PCDHA13: variants seen among roughly 807,000 people sequenced by gnomAD.
PCDHA13 encodes the protein protocadherin alpha 13.
In PCDHA13, 54 loss-of-function variants were observed where a neutral mutation model predicts 64.8. The ratio of observed to expected loss-of-function variants is 0.83; its 90% confidence interval spans 0.67 to 1.04. PCDHA13 has a LOEUF of 1.04. Among genes scored for constraint, PCDHA13 ranks in the 50% least tolerant of loss-of-function variants. PCDHA13 has a pLI of 0.00. For missense variants in PCDHA13, 1,248 were observed against 1,254.3 expected, an observed-to-expected ratio of 0.99 and a Z score of 0.08; for synonymous variants, 587 against 564.4, an observed-to-expected ratio of 1.04 and a Z score of -0.57.
At chr5:140,917,339 A>T (rs1199530347) in intron 1 of PCDHA13, among the ~76,000 whole-genome samples, 36 of 112,892 alleles carry the variant, frequency 3.2e-4, no homozygotes, top group East Asian at 2.4e-3. Context: ...GAGGGGGGGG[A>T]TGGTGTAGGC....
intron 1 of PCDHA13, among the ~76,000 whole-genome samples, chr5:140,974,994 A>G (rs901871984): frequency 6.6e-6 from 1 of 152,126 alleles, no homozygotes; most frequent in South Asian, 2.1e-4. Context: ...AGGTATTCTC[A>G]AGGCTGAAAT....
chr5:140,967,003 C>T, intron 1 of PCDHA13: 1 of 1,605,342 alleles, frequency 6.2e-7, no homozygotes, highest in South Asian at 1.1e-5. Context: ...GCTTGCGCAT[C>T]AACCATCTGG....
intron 1 of PCDHA13, among the ~76,000 whole-genome samples, chr5:140,947,645 A>AT (rs2094157342): frequency 6.6e-6 from 1 of 151,670 alleles, no homozygotes; most frequent in East Asian, 1.9e-4. Context: ...GTATGAACAT[A>AT]TATACCTCCA....
chr5:140,883,869 A>G lies in PCDHA13; in HGVS notation c.1601A>G (p.Gln534Arg). 6.2e-7 allele frequency: 1 copy of G among 1,613,112 alleles called. No homozygotes were observed. Among genetic ancestry groups the G allele is most frequent in the South Asian group, 1.1e-5 (1 of 91,044 alleles). ...GAGGAGCTGGAGCTGTTGCAGTTCC[A>G]GGTGAGCGCGCGCGACTCTGGCGTG... ...DHEELELLQF[Q>R]VSARDSGVPP... Residue 534 changes from glutamine (Q) to arginine (R), a missense_variant, in exon 1 of 4, where the codon CAG (glutamine) becomes CGG (arginine). Transcript: ENST00000289272.
chr5:140,966,818 C>G (rs1376177382), intron 1 of PCDHA13: 1 of 1,554,298 alleles, frequency 6.4e-7, no homozygotes, highest in Admixed American at 1.9e-5. Context: ...ACGGCTCCGG[C>G]GGCCCATGCC....
chr5:140,895,170 T>C (rs2064890754), intron 1 of PCDHA13, among the ~76,000 whole-genome samples: 1 of 152,176 alleles, frequency 6.6e-6, no homozygotes, highest in Admixed American at 6.5e-5. Flanking sequence ...TCCAATCTAT[T>C]TGTAGTCCCT....
intron 1 of PCDHA13, among the ~76,000 whole-genome samples, chr5:140,925,464 A>G (rs1181531744): frequency 6.6e-6 from 1 of 152,114 alleles, no homozygotes; most frequent in Non-Finnish European, 1.5e-5. Flanking sequence ...GTTGTGGCTC[A>G]GAGATGTTTC....
chr5:140,884,692 G>A, intron 1 of PCDHA13, 30 bp downstream of exon 1: 7 of 1,528,834 alleles, frequency 4.6e-6, no homozygotes, highest in Non-Finnish European at 6.1e-6. Context: ...AATTGTCTTA[G>A]TAAACACTTT....
chr5:140,977,665 A>G (rs1554238741), intron 1 of PCDHA13, among the ~76,000 whole-genome samples: 1 of 152,202 alleles, frequency 6.6e-6, no homozygotes, highest in Non-Finnish European at 1.5e-5. Flanking sequence ...AATTCTCTGC[A>G]TGCCAAATAT....
Position 140,956,847 on chromosome 5 carries a change from T to G in PCDHA13, c.2395-22102T>G, listed in dbSNP as rs138847680. Among the ~76,000 whole-genome samples the G allele has an allele frequency of 1.6e-4, 24 of 152,262 alleles. 1 individual carries two copies. The East Asian group carries it at 4.6e-3, about 29-fold the overall frequency. ...AATTTAATATTTTTAAATCTTGGGT[T>G]AAATGGTTGAATGAATGTGTGAAAA... On this transcript the variant is annotated intron_variant, in intron 1 of 3. Transcript: ENST00000289272.
Position 140,883,349 on chromosome 5 carries a change from GA to G in PCDHA13, c.1083del (p.Asp362ThrfsTer10). 6.2e-7 allele frequency: 1 copy of G among 1,614,142 alleles called. No homozygotes were observed. Among genetic ancestry groups the G allele is most frequent in the Non-Finnish European group, 8.5e-7 (1 of 1,180,030 alleles). Reference protein sequence around the residue: ...TITSLSLPIREDTQPSAIIAL... With the variant: ...TITSLSLPIRXDTQPSAIIAL... ...CACTTCTTTGTCACTCCCCATCAGA[GA>G]AGACACTCAGCCTAGCGCCATTATT... On this transcript the variant is annotated frameshift_variant, in exon 1 of 4. Coordinates refer to ENST00000289272, the MANE Select transcript of PCDHA13 (RefSeq NM_018904.3). LOFTEE classifies it high-confidence loss of function.
rs528377796 is a variant in PCDHA13, at chr5:140,957,777, T to G, written c.2395-21172T>G. The stretch of plus-strand genomic sequence containing the variant: ...TTCATTATATATGTTAAGTAAAAAC[T>G]AAGTTCATCATATATGTTAAGTAAA... On this transcript the variant is annotated intron_variant, in intron 1 of 3. Coordinates refer to ENST00000289272, the MANE Select transcript of PCDHA13 (RefSeq NM_018904.3). 8.5e-5 allele frequency among the ~76,000 whole-genome samples: 13 copies of G among 152,182 alleles called. No individual in the cohort carries two copies. The South Asian group carries it at 1.7e-3, about 19-fold the overall frequency.
At chr5:140,914,445 T>C (rs782813943) in intron 1 of PCDHA13, among the ~76,000 whole-genome samples, 1 of 152,200 alleles carries the variant, frequency 6.6e-6, no homozygotes, top group South Asian at 2.1e-4. Flanking sequence ...CCCATGTCTT[T>C]ATTTTCCAGT....
intron 3 of PCDHA13, among the ~76,000 whole-genome samples, chr5:140,982,904 T>G (rs1353983952): frequency 1.3e-5 from 2 of 151,900 alleles, no homozygotes; most frequent in African/African-American, 4.8e-5. Context: ...GGTGGCCTTA[T>G]GCACAGAGAT....
intron 1 of PCDHA13, among the ~76,000 whole-genome samples, chr5:140,937,638 C>A (rs1563161991): frequency 6.7e-6 from 1 of 150,048 alleles, no homozygotes; most frequent in East Asian, 2.1e-4. Flanking sequence ...AAAGGCAGGG[C>A]ATGGTGGCTC....
chr5:140,886,189 G>A (rs2060889525), intron 1 of PCDHA13, among the ~76,000 whole-genome samples: 1 of 152,090 alleles, frequency 6.6e-6, no homozygotes. Context: ...ATGCTGGCAA[G>A]CAGTAATCTG....
At chr5:140,897,378 C>T (rs992566047) in intron 1 of PCDHA13, among the ~76,000 whole-genome samples, 8 of 144,246 alleles carry the variant, frequency 5.5e-5, no homozygotes, top group Admixed American at 4.3e-4. Context: ...GTTCCCTTCC[C>T]CTTCCTGTGT....
At chr5:140,909,451 G>T (rs1433382775) in intron 1 of PCDHA13, among the ~76,000 whole-genome samples, 1 of 152,216 alleles carries the variant, frequency 6.6e-6, no homozygotes, top group African/African-American at 2.4e-5. Flanking sequence ...CATTCTCCAA[G>T]ATCCATCTGT....
At chr5:140,893,204 G>A (rs1207669882) in intron 1 of PCDHA13, among the ~76,000 whole-genome samples, 1 of 152,244 alleles carries the variant, frequency 6.6e-6, no homozygotes, top group African/African-American at 2.4e-5. Context: ...GCTGCAGTAA[G>A]TATGGGAGGT....
Sources: allele counts gnomAD v4.1 joint callset (sites outside exome capture counted in the v4.1 genomes callset), GRCh38; gene constraint gnomAD v4.1.1; transcripts MANE v1.5; gene names NCBI Gene and HGNC (gene_info 2026-07-23, HGNC 2026-07-21).